Variants in PRR14L observed in about 807,000 individuals in gnomAD.
The protein encoded by PRR14L is protein PRR14L.
Under a neutral mutation model 155.0 loss-of-function variants are expected in PRR14L, and 80 were observed. That is an observed-to-expected ratio of 0.52 (90% confidence interval 0.43 to 0.62). The LOEUF is 0.62. Among genes scored for constraint, PRR14L ranks in the 20% least tolerant of loss-of-function variants. PRR14L has a pLI of 0.00. For synonymous variants in PRR14L, 883 were observed against 916.0 expected, an observed-to-expected ratio of 0.96 and a Z score of 0.65; for missense variants, 2,469 against 2,548.0, an observed-to-expected ratio of 0.97 and a Z score of 0.67.
chr22:31,702,023 C>CA (rs1404548984), intron 6 of PRR14L, among the ~76,000 whole-genome samples: 1 of 151,998 alleles, frequency 6.6e-6, no homozygotes, highest in East Asian at 1.9e-4. Context: ...TGGCCAGGAA[C>CA]TCTTGGGCTC....
intron 4 of PRR14L, among the ~76,000 whole-genome samples, chr22:31,711,374 G>A (rs1441516663): frequency 6.6e-6 from 1 of 151,996 alleles, no homozygotes; most frequent in Non-Finnish European, 1.5e-5. Context: ...GGGAGGCTAA[G>A]GCAGGAGAAC....
At chr22:31,697,170 C>T (rs1209506877) in intron 7 of PRR14L, among the ~76,000 whole-genome samples, 1 of 151,820 alleles carries the variant, frequency 6.6e-6, no homozygotes, top group African/African-American at 2.4e-5. Flanking sequence ...GGCATGGTGG[C>T]AGGTGCCTGT....
Position 31,716,475 on chromosome 22 carries a change from T to G in PRR14L, c.1364A>C (p.Asn455Thr). 1.3e-6 allele frequency: 2 copies of G among 1,550,042 alleles called. No individual in the cohort carries two copies. The highest frequency in any genetic ancestry group is 1.7e-6 in the Non-Finnish European group (2 of 1,146,338). Residue 455 changes from asparagine to threonine, a missense_variant, in exon 4 of 9, where the codon AAC becomes ACC. By Grantham distance (65) the Asn-to-Thr change is moderately conservative. Transcript: ENST00000327423. ...NCIQDSLHTG[N>T]SSSLMPNSFT... ...AGAATTGGGCATTAAAGAACTAGAGTTCCCTGTATGGAGACTGTCTTGAAT... is the reference window on the plus strand; with the variant it reads ...AGAATTGGGCATTAAAGAACTAGAGGTCCCTGTATGGAGACTGTCTTGAAT...
At position 31,746,725 on chromosome 22, in the gene PRR14L, A is replaced by T. The variant is rs145627636; in HGVS notation, c.-52+3268T>A. Among the ~76,000 whole-genome samples, 29 of 152,260 alleles carry T rather than the reference A, an allele frequency of 1.9e-4. 1 individual carries two copies. The East Asian group carries it at 5.6e-3, about 29-fold the overall frequency. On this transcript the variant is annotated intron_variant, in intron 1 of 8. Transcript: ENST00000327423. ...AATTATTATTCCAGTAAAAGTAGAA[A>T]TTCTTTTACGTTGAGGACAATTATT...
intron 1 of PRR14L, among the ~76,000 whole-genome samples, chr22:31,747,372 C>T (rs1204435453): frequency 6.6e-6 from 1 of 150,808 alleles, no homozygotes. Flanking sequence ...CCTCGGCCTC[C>T]CAAAGTGCTG....
intron 7 of PRR14L, among the ~76,000 whole-genome samples, chr22:31,692,385 T>G (rs974014275): frequency 1.3e-5 from 2 of 152,196 alleles, no homozygotes. Flanking sequence ...GGTATTTCAC[T>G]GTGGTTTTGA....
Position 31,713,183 on chromosome 22 carries a change from A to G in PRR14L, c.4656T>C (p.Ser1552=), listed in dbSNP as rs7286454. The part of the protein sequence containing the change: ...GKIRSSAFLK[S]SSNPIPTKAH... ...CTTTTGTGGGGATGGGATTGGAAGA[A>G]CTCTTTAAAAAGGCAGAACTTCTGA... Residue 1552 remains serine, a synonymous_variant, in exon 4 of 9, where the codon AGT becomes AGC. Coordinates refer to ENST00000327423, the MANE Select transcript of PRR14L (RefSeq NM_173566.3). 6.4e-7 allele frequency: 1 copy of G among 1,551,818 alleles called. No individual in the cohort carries two copies. The highest frequency in any genetic ancestry group is 1.2e-5 in the South Asian group (1 of 84,050).
chr22:31,732,970 A>G (rs2147873138), intron 2 of PRR14L, among the ~76,000 whole-genome samples: 1 of 151,714 alleles, frequency 6.6e-6, no homozygotes, highest in African/African-American at 2.4e-5. Flanking sequence ...AAGTATTGTT[A>G]TACTGCTAGA....
At chr22:31,727,336 C>T (rs1204109134) in intron 2 of PRR14L, among the ~76,000 whole-genome samples, 3 of 150,464 alleles carry the variant, frequency 2.0e-5, no homozygotes, top group South Asian at 4.2e-4. Context: ...TGGGTTAAAG[C>T]GATTCTCCTG....
chr22:31,698,261 T>C (rs1017104026), intron 7 of PRR14L, among the ~76,000 whole-genome samples: 69 of 152,102 alleles, frequency 4.5e-4, no homozygotes, highest in South Asian at 2.1e-4. Context: ...CTGACCTCAG[T>C]TGATATACCC....
rs374250102 is a variant in PRR14L at position 31,716,900 on chromosome 22, T to C, written c.939A>G (p.Gln313=). Residue 313 remains glutamine (Q), a synonymous_variant, in exon 4 of 9, where the codon CAA becomes CAG. Coordinates refer to ENST00000327423, the MANE Select transcript of PRR14L (RefSeq NM_173566.3). The part of the protein sequence containing the change: ...NLVCEADDNH[Q]QLHGHHNEQP... ...GTTCATTATGGTGGCCATGAAGCTGTTGGTGATTGTCATCTGCTTCACAGA... is the reference window on the plus strand; with the variant it reads ...GTTCATTATGGTGGCCATGAAGCTGCTGGTGATTGTCATCTGCTTCACAGA... The C allele has an allele frequency of 1.9e-4, 290 of 1,551,944 alleles. No individual in the cohort carries two copies. Among genetic ancestry groups the C allele is most frequent in the Non-Finnish European group, 2.4e-4 (270 of 1,147,094 alleles).
At chr22:31,732,661 G>T (rs1168710680) in intron 2 of PRR14L, among the ~76,000 whole-genome samples, 1 of 152,124 alleles carries the variant, frequency 6.6e-6, no homozygotes, top group East Asian at 1.9e-4. Flanking sequence ...CTTCCCTTTT[G>T]CTGATTTTCT....
chr22:31,723,627 A>C (rs993097333), intron 3 of PRR14L, among the ~76,000 whole-genome samples: 1 of 152,224 alleles, frequency 6.6e-6, no homozygotes, highest in Non-Finnish European at 1.5e-5. Flanking sequence ...ATTTATGTAC[A>C]AAACACCATT....
At chr22:31,697,391 CTT>C (rs759523791) in intron 7 of PRR14L, among the ~76,000 whole-genome samples, 6 of 151,240 alleles carry the variant, frequency 4.0e-5, no homozygotes, top group Middle Eastern at 3.5e-3. Context: ...GTCAGAGTGA[CTT>C]TGCCTCGTTC....
At chr22:31,743,406 C>T (rs1287547269) in intron 1 of PRR14L, among the ~76,000 whole-genome samples, 1 of 152,142 alleles carries the variant, frequency 6.6e-6, no homozygotes, top group Non-Finnish European at 1.5e-5. Flanking sequence ...ATGGTGATGG[C>T]TGTAGAACTC....
chr22:31,684,443 A>G lies in PRR14L; in HGVS notation c.*1084T>C, dbSNP rs1286516477. 6.6e-6 allele frequency: 1 copy of G among 152,186 alleles called. No individual in the cohort carries two copies. Among genetic ancestry groups the G allele is most frequent in the African/African-American group, 2.4e-5 (1 of 41,422 alleles). 9.4% of individuals were successfully genotyped at this position (152,186 alleles called of 1,614,324 possible). On this transcript the variant is annotated 3_prime_UTR_variant, in exon 9 of 9. Transcript: ENST00000327423. ...CCTGTATCACTGCCCAAGCCGTTGT[A>G]CTCAATTTTGTTACCTAACACCATT...
chr22:31,736,829 G>C (rs573058145), intron 2 of PRR14L, among the ~76,000 whole-genome samples: 1 of 151,808 alleles, frequency 6.6e-6, no homozygotes, highest in Non-Finnish European at 1.5e-5. Context: ...ACAAGGTCAG[G>C]AGTTTGAACC....
chr22:31,745,870 A>G (rs1180472165), intron 1 of PRR14L, among the ~76,000 whole-genome samples: 2 of 148,628 alleles, frequency 1.3e-5, no homozygotes, highest in Non-Finnish European at 3.0e-5. Flanking sequence ...AAATATATAT[A>G]TATATATAAG....
Position 31,714,276 on chromosome 22 carries a change from G to A in PRR14L, c.3563C>T (p.Thr1188Ile). ...DSHYGQQDKG[T>I]SLRETQEMTE... ...CATTTCTTGTGTTTCTCTGAGAGAT[G>A]TTCCTTTATCTTGCTGTCCATAATG... Residue 1188 changes from threonine to isoleucine, a missense_variant, in exon 4 of 9, where the codon ACA (threonine) becomes ATA (isoleucine). Coordinates refer to ENST00000327423, the MANE Select transcript of PRR14L (RefSeq NM_173566.3). 2 of 1,551,436 alleles carry A rather than the reference G, an allele frequency of 1.3e-6. No individual in the cohort carries two copies. Among genetic ancestry groups the A allele is most frequent in the African/African-American group, 1.4e-5 (1 of 73,094 alleles).
Sources: allele counts gnomAD v4.1 joint callset (sites outside exome capture counted in the v4.1 genomes callset), GRCh38; gene constraint gnomAD v4.1.1; transcripts MANE v1.5; gene names NCBI Gene and HGNC (gene_info 2026-07-23, HGNC 2026-07-21).